OR9Q1: variants seen among roughly 807,000 people sequenced by gnomAD.
OR9Q1 encodes the protein olfactory receptor family 9 subfamily Q member 1.
For synonymous variants in OR9Q1, 153 were observed against 148.6 expected, an observed-to-expected ratio of 1.03 and a Z score of -0.22; for missense variants, 374 against 378.8, an observed-to-expected ratio of 0.99 and a Z score of 0.11.
At chr11:58,152,848 T>A (rs1441413428) in intron 2 of OR9Q1, among the ~76,000 whole-genome samples, 3 of 152,234 alleles carry the variant, frequency 2.0e-5, no homozygotes, top group Non-Finnish European at 4.4e-5. Flanking sequence ...GTCTCACATC[T>A]TGAATCAATC....
intron 2 of OR9Q1, among the ~76,000 whole-genome samples, chr11:58,093,148 A>G (rs1266724507): frequency 6.6e-6 from 1 of 152,198 alleles, no homozygotes; most frequent in Non-Finnish European, 1.5e-5. Flanking sequence ...AAAATTATGC[A>G]TACCACACTG....
chr11:58,178,674 C>T (rs972987661), intron 2 of OR9Q1, among the ~76,000 whole-genome samples: 2 of 151,854 alleles, frequency 1.3e-5, no homozygotes, highest in African/African-American at 4.8e-5. Context: ...AGTTTCGGCT[C>T]AGAATGGCTA....
chr11:58,157,579 A>T (rs1007342917), intron 2 of OR9Q1, among the ~76,000 whole-genome samples: 10 of 152,048 alleles, frequency 6.6e-5, no homozygotes, highest in African/African-American at 2.2e-4. Context: ...GAAGGAAGGA[A>T]GGATGGAAGG....
At chr11:58,175,332 C>T (rs1307812578) in intron 2 of OR9Q1, among the ~76,000 whole-genome samples, 1 of 151,846 alleles carries the variant, frequency 6.6e-6, no homozygotes, top group African/African-American at 2.4e-5. Flanking sequence ...CTGGAGTATC[C>T]CTTGGGCTCT....
At chr11:58,144,787 T>G (rs1854284135) in intron 2 of OR9Q1, 1 of 150,948 alleles carries the variant, frequency 6.6e-6, no homozygotes. Context: ...CCAATTCTTC[T>G]TTTTCACACT....
intron 2 of OR9Q1, chr11:58,078,414 G>A (rs969980281): frequency 1.1e-4 from 17 of 152,348 alleles, no homozygotes; most frequent in South Asian, 6.2e-4. Context: ...ATCCCAAAGG[G>A]TGACATTTGT....
At chr11:58,053,073 A>G (rs1476922368) in intron 1 of OR9Q1, among the ~76,000 whole-genome samples, 1 of 151,782 alleles carries the variant, frequency 6.6e-6, no homozygotes, top group African/African-American at 2.4e-5. Flanking sequence ...TAGAAATACC[A>G]TTTGACCCAG....
intron 2 of OR9Q1, among the ~76,000 whole-genome samples, chr11:58,115,530 G>A (rs963128018): frequency 9.2e-5 from 14 of 152,140 alleles, no homozygotes; most frequent in Non-Finnish European, 1.3e-4. Context: ...ATAAAGAAAA[G>A]GAAGGCTGCT....
At chr11:58,114,366 C>T (rs942780305) in intron 2 of OR9Q1, among the ~76,000 whole-genome samples, 2 of 152,224 alleles carry the variant, frequency 1.3e-5, no homozygotes, top group Non-Finnish European at 2.9e-5. Flanking sequence ...GAGAGACTCT[C>T]TCCTTTTCTC....
intron 2 of OR9Q1, among the ~76,000 whole-genome samples, chr11:58,151,157 G>A (rs548376653): frequency 2.6e-5 from 4 of 152,092 alleles, no homozygotes; most frequent in Admixed American, 6.6e-5. Flanking sequence ...CCCTAGCATC[G>A]TTTGTTGAAA....
chr11:58,059,243 C>T (rs568056052), intron 2 of OR9Q1, among the ~76,000 whole-genome samples: 132 of 152,218 alleles, frequency 8.7e-4, no homozygotes, highest in Admixed American at 6.9e-3. Flanking sequence ...GATGTGCTAA[C>T]GGCTTTGTTT....
At chr11:58,096,785 C>T (rs966243958) in intron 2 of OR9Q1, among the ~76,000 whole-genome samples, 1 of 149,686 alleles carries the variant, frequency 6.7e-6, no homozygotes, top group African/African-American at 2.5e-5. Context: ...CTCACTACAA[C>T]CTACATCTTC....
At chr11:58,026,912 G>A (rs1233370591) in intron 1 of OR9Q1, 2 of 152,108 alleles carry the variant, frequency 1.3e-5, no homozygotes, top group Non-Finnish European at 2.9e-5. Flanking sequence ...CTCTTTGAAT[G>A]TTGTTCTCCA....
chr11:58,081,793 C>CTTTTTTTT (rs201892501), intron 2 of OR9Q1, among the ~76,000 whole-genome samples: 4 of 128,138 alleles, frequency 3.1e-5, no homozygotes, highest in Non-Finnish European at 4.9e-5. Flanking sequence ...ATGATAGTTT[C>CTTTTTTTT]TTTTTTTTTT....
intron 1 of OR9Q1, among the ~76,000 whole-genome samples, chr11:58,033,300 A>T (rs886069961): frequency 7.1e-6 from 1 of 140,286 alleles, no homozygotes; most frequent in Non-Finnish European, 1.6e-5. Flanking sequence ...TGACACATGC[A>T]CTTGTATGTT....
At chr11:58,167,749 T>A (rs982213567) in intron 2 of OR9Q1, among the ~76,000 whole-genome samples, 1 of 152,160 alleles carries the variant, frequency 6.6e-6, no homozygotes, top group Non-Finnish European at 1.5e-5. Flanking sequence ...CTCTATGTGG[T>A]GTCTCATCCT....
chr11:58,117,467 C>G (rs1459015372), intron 2 of OR9Q1: 2 of 152,072 alleles, frequency 1.3e-5, no homozygotes, highest in Non-Finnish European at 2.9e-5. Flanking sequence ...TGCCAGAAGG[C>G]TCAAATAGGA....
intron 2 of OR9Q1, among the ~76,000 whole-genome samples, chr11:58,159,877 A>G (rs1854441808): frequency 6.6e-6 from 1 of 152,232 alleles, no homozygotes; most frequent in African/African-American, 2.4e-5. Flanking sequence ...TTCCTGCAAT[A>G]AGATATTGAT....
chr11:58,173,762 T>G (rs1854578090), intron 2 of OR9Q1, among the ~76,000 whole-genome samples: 1 of 152,180 alleles, frequency 6.6e-6, no homozygotes, highest in African/African-American at 2.4e-5. Context: ...GGACCCACTG[T>G]TGCCATGTGC....
Sources: gnomAD v4.1 joint callset for allele counts (sites outside exome capture counted in the v4.1 genomes callset) on GRCh38, gnomAD v4.1.1 for gene constraint, MANE v1.5 for transcripts, NCBI Gene and HGNC (gene_info 2026-07-23, HGNC 2026-07-21) for gene names.